PAK1: variants seen among roughly 807,000 people sequenced by gnomAD.
PAK1 encodes serine/threonine-protein kinase PAK 1.
Under a neutral mutation model 67.4 loss-of-function variants are expected in PAK1, and 29 were observed. The ratio of observed to expected loss-of-function variants is 0.43; its 90% CI spans 0.32 to 0.59. The LOEUF (loss-of-function observed/expected upper bound fraction) is 0.59, where lower values mean the gene tolerates loss of function less well. Among genes scored for constraint, PAK1 ranks in the 20% least tolerant of loss-of-function variants. PAK1 has a pLI of 0.07. For synonymous variants in PAK1, 223 were observed against 237.4 expected (o/e 0.94, Z 0.56); for missense variants, 337 against 670.7 (o/e 0.50, Z 5.50).
intron 1 of PAK1, among the ~76,000 whole-genome samples, chr11:77,471,687 T>C (rs1440540340): frequency 6.6e-6 from 1 of 152,200 alleles, no homozygotes; most frequent in Non-Finnish European, 1.5e-5. Flanking sequence ...TCCATGTTAC[T>C]CTGAAATTTA....
chr11:77,483,943 T>C, the PAK1 span, among the ~76,000 whole-genome samples: 1 of 152,186 alleles, frequency 6.6e-6, no homozygotes, highest in South Asian at 2.1e-4. Flanking sequence ...CAAAGTCCCA[T>C]CCTTCTGGCT....
intron 1 of PAK1, among the ~76,000 whole-genome samples, chr11:77,415,422 G>A (rs2138110518): frequency 6.6e-6 from 1 of 152,278 alleles, no homozygotes; most frequent in South Asian, 2.1e-4. Context: ...ACATCACAGA[G>A]TGTACACATA....
At chr11:77,434,460 GA>G (rs1488035896) in intron 1 of PAK1, among the ~76,000 whole-genome samples, 2 of 150,026 alleles carry the variant, frequency 1.3e-5, no homozygotes, top group African/African-American at 4.9e-5. Flanking sequence ...TTTTTTTGGA[GA>G]GGGGATGGGG....
At position 77,336,134 on chromosome 11, in the gene PAK1, G is replaced by A. The variant is rs267603202; in HGVS notation, c.1365C>T (p.Ile455=). 10 of 1,613,156 alleles carry A rather than the reference G, an allele frequency of 6.2e-6. No individual in the cohort carries two copies. The highest frequency in any genetic ancestry group is 1.3e-5 in the African/African-American group (1 of 74,858). The change falls in exon 13 of 15, where the codon ATC becomes ATT. Residue 455 remains isoleucine, a synonymous_variant. Transcript: ENST00000356341. The part of the protein sequence containing the change: ...VDIWSLGIMA[I]EMIEGEPPYL... Reference sequence around the variant, plus strand: ...ATGGAGGCTCCCCTTCAATCATTTCGATGGCCATGATGCCCAGGGACCAGA... The same window carrying A: ...ATGGAGGCTCCCCTTCAATCATTTCAATGGCCATGATGCCCAGGGACCAGA...
the PAK1 span, among the ~76,000 whole-genome samples, chr11:77,485,025 C>G: frequency 1.3e-5 from 2 of 152,130 alleles, no homozygotes; most frequent in African/African-American, 4.8e-5. Context: ...GAGACTTATT[C>G]CCTATCACAA....
At chr11:77,334,996 T>C (rs193005887) in intron 13 of PAK1, among the ~76,000 whole-genome samples, 187 of 152,292 alleles carry the variant, frequency 1.2e-3, no homozygotes, top group African/African-American at 4.3e-3. Flanking sequence ...TCTTAACCTA[T>C]CAATCACATT....
the PAK1 span, among the ~76,000 whole-genome samples, chr11:77,481,288 T>C: frequency 6.6e-6 from 1 of 152,168 alleles, no homozygotes; most frequent in African/African-American, 2.4e-5. Flanking sequence ...TCTCCAAATA[T>C]ATATAACTGT....
At chr11:77,356,780 C>G (rs545177474) in intron 6 of PAK1, among the ~76,000 whole-genome samples, 1 of 152,254 alleles carries the variant, frequency 6.6e-6, no homozygotes, top group Admixed American at 6.5e-5. Context: ...CCCAACCTCT[C>G]ATTCTTATAA....
At chr11:77,355,486 G>T (rs1282585473) in intron 7 of PAK1, among the ~76,000 whole-genome samples, 182 bp downstream of exon 7, 1 of 152,078 alleles carries the variant, frequency 6.6e-6, no homozygotes, top group Non-Finnish European at 1.5e-5. Context: ...TCCTAACATA[G>T]TATCCAACCA....
intron 1 of PAK1, chr11:77,408,125 C>A (rs1953905752): frequency 6.6e-6 from 1 of 152,232 alleles, no homozygotes; most frequent in African/African-American, 2.4e-5. Flanking sequence ...ATTATCACAG[C>A]CCCTTGTGCT....
intron 3 of PAK1, 133 bp downstream of exon 3, chr11:77,379,761 A>G (rs1371113671): frequency 1.5e-6 from 1 of 668,998 alleles, no homozygotes; most frequent in African/African-American, 1.8e-5. Context: ...TGTCCCACTC[A>G]TGAACGTGAG....
intron 1 of PAK1, among the ~76,000 whole-genome samples, chr11:77,409,995 T>C (rs1176621051): frequency 6.6e-6 from 1 of 152,092 alleles, no homozygotes; most frequent in African/African-American, 2.4e-5. Flanking sequence ...CTATAATCTT[T>C]CTCTTTCTAC....
intron 1 of PAK1, among the ~76,000 whole-genome samples, chr11:77,450,272 G>A (rs1956797791): frequency 6.6e-6 from 1 of 152,164 alleles, no homozygotes; most frequent in Non-Finnish European, 1.5e-5. Context: ...TGGACCCACT[G>A]AGAGAATGAT....
intron 1 of PAK1, among the ~76,000 whole-genome samples, chr11:77,454,196 T>C (rs191805481): frequency 6.6e-6 from 1 of 152,340 alleles, no homozygotes. Context: ...GTCCATTTAA[T>C]TGTCTCAACA....
chr11:77,403,592 T>G (rs1167818519), intron 1 of PAK1, among the ~76,000 whole-genome samples: 1 of 152,166 alleles, frequency 6.6e-6, no homozygotes, highest in Non-Finnish European at 1.5e-5. Context: ...CTAATCATGA[T>G]CCATCAAAAT....
At chr11:77,406,581 C>G (rs147444146) in intron 1 of PAK1, among the ~76,000 whole-genome samples, 167 of 152,274 alleles carry the variant, frequency 1.1e-3, no homozygotes, top group African/African-American at 3.8e-3. Flanking sequence ...AGTTTGAGAT[C>G]TGCCTGGGCA....
chr11:77,434,422 T>C (rs1956013245), intron 1 of PAK1, among the ~76,000 whole-genome samples: 1 of 151,980 alleles, frequency 6.6e-6, no homozygotes, highest in South Asian at 2.1e-4. Flanking sequence ...ATGTTTCTTT[T>C]AGGAGGACAA....
At chr11:77,466,440 A>G (rs532150871) in intron 1 of PAK1, among the ~76,000 whole-genome samples, 29 of 152,108 alleles carry the variant, frequency 1.9e-4, no homozygotes, top group African/African-American at 7.0e-4. Flanking sequence ...TGTCTCTACT[A>G]AAAATACAAA....
chr11:77,433,860 T>C (rs1428997597), intron 1 of PAK1, among the ~76,000 whole-genome samples: 4 of 152,046 alleles, frequency 2.6e-5, no homozygotes, highest in Non-Finnish European at 5.9e-5. Context: ...CAGGAAGATA[T>C]CCAAGTGGCC....
Sources: allele counts gnomAD v4.1 joint callset (sites outside exome capture counted in the v4.1 genomes callset), GRCh38; gene constraint gnomAD v4.1.1; transcripts MANE v1.5; gene names NCBI Gene and HGNC (gene_info 2026-07-23, HGNC 2026-07-21).